The following KAZN variants were observed in gnomAD, a reference collection of about 807,000 sequenced individuals.
KAZN encodes kazrin.
A neutral mutation model predicts 87.4 loss-of-function variants in KAZN; 40 were observed. That is an observed-to-expected ratio of 0.46 (90% CI 0.36 to 0.60). KAZN has a LOEUF of 0.60. KAZN is among the 20% of genes least tolerant of loss of function. The pLI is 0.00. For synonymous variants in KAZN, 466 were observed against 458.3 expected (o/e 1.02, Z -0.22); for missense variants, 898 against 1,073.9 (o/e 0.84, Z 2.29).
rs368064934 is a variant in KAZN, at chr1:14,252,246, G to A, written c.249+71654G>A. Among the ~76,000 whole-genome samples the A allele has an allele frequency of 7.9e-4, 120 of 152,286 alleles. 1 individual carries two copies. Among genetic ancestry groups the A allele is most frequent in the African/African-American group, 2.7e-3 (111 of 41,562 alleles). On this transcript the variant is annotated intron_variant, in intron 2 of 16. Transcript: ENST00000636203. ...GGTTTCTGTTTTGGTCACAAAGATGGATGTTTTATATTCAGATCTGTTTCC... is the reference window on the plus strand; with the variant it reads ...GGTTTCTGTTTTGGTCACAAAGATGAATGTTTTATATTCAGATCTGTTTCC...
chr1:14,307,292 A>G (rs1350674112), intron 2 of KAZN, among the ~76,000 whole-genome samples: 1 of 151,804 alleles, frequency 6.6e-6, no homozygotes, highest in African/African-American at 2.4e-5. Flanking sequence ...CATTTTTCAC[A>G]CCCTCCCAGT....
chr1:14,233,943 T>A (rs1266944919), intron 2 of KAZN, among the ~76,000 whole-genome samples: 1 of 152,196 alleles, frequency 6.6e-6, no homozygotes, highest in Non-Finnish European at 1.5e-5. Flanking sequence ...GCTTTTACAC[T>A]GTTAGTAGGA....
intron 1 of KAZN, among the ~76,000 whole-genome samples, chr1:14,058,831 C>G (rs1570637153): frequency 6.6e-6 from 1 of 152,154 alleles, no homozygotes; most frequent in African/African-American, 2.4e-5. Context: ...GAAAAGGAAC[C>G]AGCATGCAAT....
chr1:14,768,199 G>GA (rs1344670405), intron 1 of KAZN, among the ~76,000 whole-genome samples: 1 of 151,962 alleles, frequency 6.6e-6, no homozygotes, highest in Non-Finnish European at 1.5e-5. Flanking sequence ...AATAAAGATA[G>GA]AAAAAAAGAT....
intron 1 of KAZN, among the ~76,000 whole-genome samples, chr1:14,789,946 A>G (rs138831950): frequency 6.6e-6 from 1 of 152,100 alleles, no homozygotes; most frequent in African/African-American, 2.4e-5. Flanking sequence ...TTTGTGGAAT[A>G]TGGTCTCCTA....
At chr1:14,474,627 A>G (rs568347522) in intron 2 of KAZN, among the ~76,000 whole-genome samples, 1 of 152,350 alleles carries the variant, frequency 6.6e-6, no homozygotes, top group Admixed American at 6.5e-5. Flanking sequence ...TTGGAGTTTT[A>G]CTTTAAATAC....
At chr1:14,396,546 A>G (rs766738096) in intron 2 of KAZN, among the ~76,000 whole-genome samples, 2 of 152,252 alleles carry the variant, frequency 1.3e-5, no homozygotes, top group Non-Finnish European at 2.9e-5. Flanking sequence ...AGAATTTTCC[A>G]AACTATTTTG....
At chr1:14,016,314 G>T (rs1640569273) in intron 1 of KAZN, among the ~76,000 whole-genome samples, 1 of 152,136 alleles carries the variant, frequency 6.6e-6, no homozygotes, top group East Asian at 1.9e-4. Context: ...ACACAATGTG[G>T]GTGATCTAAT....
At chr1:14,036,810 C>T (rs893851303) in intron 1 of KAZN, among the ~76,000 whole-genome samples, 7 of 151,928 alleles carry the variant, frequency 4.6e-5, no homozygotes, top group South Asian at 2.1e-4. Flanking sequence ...GATGGAGTCT[C>T]GCTCTGTCGC....
intron 1 of KAZN, among the ~76,000 whole-genome samples, chr1:14,935,487 C>T (rs1272823244): frequency 6.6e-6 from 1 of 151,982 alleles, no homozygotes; most frequent in Non-Finnish European, 1.5e-5. Context: ...ATCAGCAGTG[C>T]CCGAGAACAT....
intron 1 of KAZN, among the ~76,000 whole-genome samples, chr1:14,665,925 C>G (rs1201827058): frequency 9.8e-6 from 1 of 102,478 alleles, no homozygotes; most frequent in African/African-American, 4.6e-5. Flanking sequence ...GAAGGAGAAG[C>G]TTTGCTCAAA....
chr1:13,909,822 G>C (rs189807802), intron 1 of KAZN, among the ~76,000 whole-genome samples: 8 of 152,264 alleles, frequency 5.3e-5, no homozygotes, highest in Non-Finnish European at 1.0e-4. Flanking sequence ...AATCTGTAGC[G>C]GTGGAAATGT....
chr1:14,938,433 T>C (rs1391746711), intron 1 of KAZN, among the ~76,000 whole-genome samples: 1 of 151,600 alleles, frequency 6.6e-6, no homozygotes, highest in Non-Finnish European at 1.5e-5. Context: ...TCCTAGCTAC[T>C]TGGGAGGCTG....
intron 1 of KAZN, among the ~76,000 whole-genome samples, chr1:14,125,274 C>CT (rs1447343513): frequency 2.0e-5 from 3 of 152,140 alleles, no homozygotes; most frequent in African/African-American, 7.2e-5. Context: ...TCAAAAATGT[C>CT]TTTTCCGACC....
At chr1:14,524,017 GTTTTGTT>G (rs1671727680) in intron 2 of KAZN, among the ~76,000 whole-genome samples, 1 of 150,312 alleles carries the variant, frequency 6.7e-6, no homozygotes, top group African/African-American at 2.4e-5. Context: ...GTTTTGTTTT[GTTTTGTT>G]TTGTTTTGTT....
At chr1:14,256,008 ACT>A in intron 2 of KAZN, among the ~76,000 whole-genome samples, 1 of 152,058 alleles carries the variant, frequency 6.6e-6, no homozygotes, top group Non-Finnish European at 1.5e-5. Flanking sequence ...TAAATTGGAG[ACT>A]CTCTGTCGCA....
At chr1:14,420,444 G>T (rs546169732) in intron 2 of KAZN, among the ~76,000 whole-genome samples, 1 of 152,192 alleles carries the variant, frequency 6.6e-6, no homozygotes, top group Non-Finnish European at 1.5e-5. Context: ...TTCCCCCACC[G>T]GAGCCACGGG....
chr1:14,415,493 C>A (rs919239820), intron 2 of KAZN, among the ~76,000 whole-genome samples: 1 of 152,150 alleles, frequency 6.6e-6, no homozygotes, highest in African/African-American at 2.4e-5. Context: ...CAAACAGTGT[C>A]TCATGACTGG....
intron 1 of KAZN, among the ~76,000 whole-genome samples, chr1:13,958,398 G>A (rs1026891836): frequency 6.6e-6 from 1 of 151,660 alleles, no homozygotes; most frequent in Non-Finnish European, 1.5e-5. Context: ...GTGAAACCCC[G>A]TCTCTACTAA....
Sources: allele counts gnomAD v4.1 joint callset (sites outside exome capture counted in the v4.1 genomes callset), GRCh38; gene constraint gnomAD v4.1.1; transcripts MANE v1.5; gene names NCBI Gene and HGNC (gene_info 2026-07-23, HGNC 2026-07-21).